Variants in PTPN21 observed in about 807,000 individuals in gnomAD.
The protein encoded by PTPN21 is tyrosine-protein phosphatase non-receptor type 21.
PTPN21 carries 77 observed loss-of-function variants against 131.8 expected under a neutral mutation model. The observed-to-expected ratio is 0.58, with a 90% confidence interval of 0.49 to 0.71. The LOEUF (loss-of-function observed/expected upper bound fraction) is 0.71, where lower values mean the gene tolerates loss of function less well. PTPN21 is among the 30% of genes least tolerant of loss of function. The probability of loss-of-function intolerance (pLI) is 0.00; values close to 1 mark genes in which losing one functional copy is unlikely to be tolerated. For missense variants in PTPN21, 1,552 were observed against 1,527.1 expected, an observed-to-expected ratio of 1.02 and a Z score of -0.27; for synonymous variants, 715 against 621.3, an observed-to-expected ratio of 1.15 and a Z score of -2.24.
chr14:88,471,582 A>G (rs1331818187), intron 15 of PTPN21, among the ~76,000 whole-genome samples: 1 of 104,104 alleles, frequency 9.6e-6, no homozygotes, highest in Non-Finnish European at 2.0e-5. Flanking sequence ...GTTCCAGGAA[A>G]AAAGCACTTC....
rs967762755 is a variant in PTPN21 at position 88,479,184 on chromosome 14, G to C, written c.2247C>G (p.Val749=). 1.3e-6 allele frequency: 2 copies of C among 1,565,016 alleles called. No homozygotes were observed. Among genetic ancestry groups the C allele is most frequent in the South Asian group, 1.2e-5 (1 of 82,734 alleles). ...GGATGTGCAGGGGCCCGGCGAGCAG[G>C]ACGCGAGGGCAGCCAGGTGGGTCCT... ...LAQDPPGCPR[V]LLAGPLHILE... The change falls in exon 13 of 19, where the codon GTC becomes GTG. Residue 749 remains valine, a synonymous_variant. Transcript: ENST00000556564.
Position 88,467,896 on chromosome 14 carries a change from G to A in PTPN21, c.*241C>T, listed in dbSNP as rs191479630. On this transcript the variant is annotated 3_prime_UTR_variant, in exon 19 of 19. Transcript: ENST00000556564. ...GCAAGTACTGCAAACCGGACAGACC[G>A]GGGCAGGGCAAGGCCCTTGAAACCA... The A allele has an allele frequency of 2.2e-4, 124 of 569,508 alleles. No homozygotes were observed. The highest frequency in any genetic ancestry group is 3.5e-4 in the Non-Finnish European group (112 of 323,326). 35.3% of individuals were successfully genotyped at this position (569,508 alleles called of 1,614,324 possible).
At chr14:88,495,783 C>A (rs898077828) in intron 10 of PTPN21, among the ~76,000 whole-genome samples, 1 of 152,036 alleles carries the variant, frequency 6.6e-6, no homozygotes, top group South Asian at 2.1e-4. Context: ...ATCAGTACTG[C>A]GGAGCGGTCA....
rs532858054 is a variant in PTPN21 at position 88,479,321 on chromosome 14, C to T, written c.2110G>A (p.Ala704Thr). 10 of 1,613,450 alleles carry T rather than the reference C, an allele frequency of 6.2e-6. No individual in the cohort carries two copies. The South Asian group carries it at 1.1e-4, about 18-fold the overall frequency. The change falls in exon 13 of 19, where the codon GCC becomes ACC. Residue 704 changes from alanine to threonine, a missense_variant. Around this residue, in one of 4 missense-constraint regions of PTPN21, gnomAD observed 1,016 missense variants for 883.5 expected, o/e 1.15. Coordinates refer to ENST00000556564, the MANE Select transcript of PTPN21 (RefSeq NM_007039.4). ...RYGHKKSLSD[A>T]TMLIHSSEEE... is the part of the protein sequence containing the mutation. Reference sequence around the variant, plus strand: ...TCGCTGCTGTGGATTAGCATGGTGGCGTCCGACAGGGACTTCTTATGGCCG... The same window carrying T: ...TCGCTGCTGTGGATTAGCATGGTGGTGTCCGACAGGGACTTCTTATGGCCG...
chr14:88,468,227 T>C lies in PTPN21; in HGVS notation c.3435A>G (p.Gln1145=), dbSNP rs945534149. ...DIPRVLDMLR[Q]QRMMLVQTLC... is the part of the protein sequence containing the mutation. ...GAGTCTGCACCAGCATCATTCTCTGTTGCCTCAGCATGTCCAGCACTCTCG... is the reference window on the plus strand; with the variant it reads ...GAGTCTGCACCAGCATCATTCTCTGCTGCCTCAGCATGTCCAGCACTCTCG... Residue 1145 remains glutamine, a synonymous_variant, in exon 19 of 19, where the codon CAA becomes CAG. Coordinates refer to ENST00000556564, the MANE Select transcript of PTPN21 (RefSeq NM_007039.4). The C allele has an allele frequency of 3.1e-6, 5 of 1,610,204 alleles. No homozygotes were observed. The African/African-American group carries it at 6.7e-5, about 22-fold the overall frequency.
chr14:88,539,575 A>G (rs963562016), intron 2 of PTPN21, among the ~76,000 whole-genome samples: 2 of 152,228 alleles, frequency 1.3e-5, no homozygotes, highest in African/African-American at 4.8e-5. Flanking sequence ...CTTTTAAAGT[A>G]AATAGACAAT....
chr14:88,503,249 T>C (rs1040131253), intron 6 of PTPN21, among the ~76,000 whole-genome samples: 5 of 152,132 alleles, frequency 3.3e-5, no homozygotes, highest in South Asian at 4.1e-4. Context: ...TTTGCCAGGA[T>C]GGTCTCGATC....
In PTPN21 at chr14:88,479,612, G is replaced by T; in HGVS notation, c.1819C>A (p.Gln607Lys). The part of the protein sequence containing the change: ...RRVHHSVQTF[Q>K]EDSLPVAHSL... ...TGCGCCACGGGCAGGCTGTCCTCCT[G>T]GAACGTTTGCACCGAGTGGTGCACG... Residue 607 changes from glutamine (Q) to lysine (K), a missense_variant, in exon 13 of 19, where the codon CAG becomes AAG. By Grantham distance (53) the Gln-to-Lys change is moderately conservative. Transcript: ENST00000556564. 6.3e-7 allele frequency: 1 copy of T among 1,582,410 alleles called. No homozygotes were observed.
At chr14:88,483,144 A>G (rs2077677429) in intron 12 of PTPN21, among the ~76,000 whole-genome samples, 1 of 149,938 alleles carries the variant, frequency 6.7e-6, no homozygotes, top group Admixed American at 6.7e-5. Flanking sequence ...CCCAGGAGGC[A>G]GGGCTTGCAG....
intron 10 of PTPN21, among the ~76,000 whole-genome samples, chr14:88,492,367 A>C (rs186787356): frequency 2.0e-5 from 3 of 152,320 alleles, no homozygotes; most frequent in Admixed American, 2.0e-4. Context: ...AGCACTACTG[A>C]ATATCACCAC....
In PTPN21 at chr14:88,477,669, G is replaced by A. The variant is rs558776800; in HGVS notation, c.2511+1251C>T. Among the ~76,000 whole-genome samples, 5 of 152,176 alleles carry A rather than the reference G, an allele frequency of 3.3e-5. No homozygotes were observed. In the South Asian group the frequency reaches 1.0e-3, roughly 32 times the overall value. ...CGGAGTTTGCAGTTTAGCAGCGATG[G>A]GGGGAGGAGAACCCTAGTTGCCAGG... On this transcript the variant is annotated intron_variant, in intron 13 of 18. Transcript: ENST00000556564.
chr14:88,544,348 C>T (rs1426034694), intron 2 of PTPN21, among the ~76,000 whole-genome samples: 1 of 147,532 alleles, frequency 6.8e-6, no homozygotes, highest in Admixed American at 6.7e-5. Context: ...TCCATCTCAC[C>T]AAAAAAAAAG....
chr14:88,503,313 G>A (rs993159194), intron 6 of PTPN21, among the ~76,000 whole-genome samples: 45 of 152,300 alleles, frequency 3.0e-4, no homozygotes, highest in African/African-American at 1.1e-3. Context: ...GATTACAGGT[G>A]TGAGCCACTG....
intron 2 of PTPN21, among the ~76,000 whole-genome samples, chr14:88,537,483 T>C (rs778899565): frequency 3.9e-5 from 6 of 152,200 alleles, no homozygotes; most frequent in African/African-American, 1.2e-4. Flanking sequence ...TGAATATTGA[T>C]TGAATACCTA....
intron 12 of PTPN21, among the ~76,000 whole-genome samples, chr14:88,481,194 G>A (rs917008522): frequency 1.3e-5 from 2 of 152,082 alleles, no homozygotes; most frequent in African/African-American, 2.4e-5. Context: ...TTTGTGCTTC[G>A]AAAGCTCCAT....
Position 88,469,942 on chromosome 14 carries a change from CTATAA to C in PTPN21, c.2975_2979del (p.Ile992SerfsTer16). ...CCTACCTCTTCTGCTGTCACCATTGCTATAATTGCAATTCCCTGTTCCCATACCAT... is the reference window on the plus strand; with the variant it reads ...CCTACCTCTTCTGCTGTCACCATTGCTTGCAATTCCCTGTTCCCATACCAT... On this transcript the variant is annotated frameshift_variant, in exon 16 of 19. Transcript: ENST00000556564. LOFTEE classifies it high-confidence loss of function. The surrounding 1 kb of genome is among the most constrained non-coding windows in gnomAD (Gnocchi z 4.3). The C allele has an allele frequency of 6.2e-7, 1 of 1,614,092 alleles. No homozygotes were observed. The highest frequency in any genetic ancestry group is 8.5e-7 in the Non-Finnish European group (1 of 1,180,022).
At chr14:88,506,151 C>G (rs892264340) in intron 4 of PTPN21, among the ~76,000 whole-genome samples, 3 of 152,020 alleles carry the variant, frequency 2.0e-5, no homozygotes, top group Non-Finnish European at 4.4e-5. Context: ...ACCAGCCTAG[C>G]AACATAGCAA....
intron 10 of PTPN21, among the ~76,000 whole-genome samples, chr14:88,495,228 A>AT (rs1185690610): frequency 6.6e-6 from 1 of 152,188 alleles, no homozygotes; most frequent in African/African-American, 2.4e-5. Flanking sequence ...GTCAGGTTTC[A>AT]TACCACATCC....
intron 2 of PTPN21, among the ~76,000 whole-genome samples, chr14:88,517,690 ATGTGTGCG>A (rs1269006787): frequency 1.9e-4 from 27 of 142,342 alleles, no homozygotes; most frequent in African/African-American, 6.8e-4. Flanking sequence ...ATATATACAT[ATGTGTGCG>A]TATGTGTATA....
Sources: gnomAD v4.1 joint callset for allele counts (sites outside exome capture counted in the v4.1 genomes callset) on GRCh38, gnomAD v4.1.1 for gene constraint, gnomAD v4.1.1 regional missense constraint, Gnocchi (gnomAD v3.1) non-coding constraint, MANE v1.5 for transcripts, NCBI Gene and HGNC (gene_info 2026-07-23, HGNC 2026-07-21) for gene names.